SERTM2: variants seen among roughly 807,000 people sequenced by gnomAD.
SERTM2 encodes serine rich and transmembrane domain containing 2.
intron 2 of SERTM2, among the ~76,000 whole-genome samples, chrX:111,514,888 G>GGTGT (rs371173694): frequency 3.8e-4 from 41 of 106,680 alleles, no homozygotes; most frequent in South Asian, 1.2e-3. Context: ...TAGGCATAGG[G>GGTGT]GTGTGTGTGT....
In SERTM2 at chrX:111,519,057, T is replaced by A; in HGVS notation, c.200T>A (p.Ile67Asn). ...LLRLKHVISPINSDSTESVPQ... is the reference protein window; with the variant it reads ...LLRLKHVISPNNSDSTESVPQ... ...CGGCTCAAACATGTCATCTCGCCCA[T>A]CAACTCTGACAGCACAGAAAGTGTT... The change falls in exon 3 of 3, where the codon ATC (isoleucine) becomes AAC (asparagine). Residue 67 changes from isoleucine to asparagine, a missense_variant. Coordinates refer to ENST00000569275, the MANE Select transcript of SERTM2 (RefSeq NM_001354473.2). The A allele has an allele frequency of 3.4e-6, 1 of 297,352 alleles. No individual in the cohort carries two copies. 24.5% of individuals were successfully genotyped at this position (297,352 alleles called of 1,213,427 possible). A position where few individuals can be genotyped will look rare whatever the true frequency, so the allele number is the denominator to read the frequency against.
At position 111,522,293 on chromosome X, in the gene SERTM2, T is replaced by C. The variant is rs1296057462; in HGVS notation, c.*3163T>C. Reference sequence around the variant, plus strand: ...AGTTTCTTTTGTTTGAAATTATTAATGTTTGAAATAGATTCATATTGTATA... The same window carrying C: ...AGTTTCTTTTGTTTGAAATTATTAACGTTTGAAATAGATTCATATTGTATA... On this transcript the variant is annotated 3_prime_UTR_variant, in exon 3 of 3. Coordinates refer to ENST00000569275, the MANE Select transcript of SERTM2 (RefSeq NM_001354473.2). 6 of 112,343 alleles carry C rather than the reference T, an allele frequency of 5.3e-5. No individual in the cohort carries two copies. Among genetic ancestry groups the C allele is most frequent in the African/African-American group, 1.9e-4 (6 of 30,935 alleles). The allele number at this position is 112,343 out of a possible 1,213,427, so 9.3% of individuals were successfully genotyped here.
intron 2 of SERTM2, among the ~76,000 whole-genome samples, chrX:111,513,299 A>C (rs1930260024): frequency 9.3e-6 from 1 of 107,209 alleles, no homozygotes; most frequent in Non-Finnish European, 1.9e-5. Context: ...CTAATTCCTT[A>C]CCCCCTTTTC....
intron 2 of SERTM2, among the ~76,000 whole-genome samples, chrX:111,517,166 G>A (rs1031256123): frequency 4.5e-5 from 5 of 111,053 alleles, no homozygotes; most frequent in Non-Finnish European, 9.5e-5. Flanking sequence ...CTATTGGGGG[G>A]AAATGTCTAT....
Position 111,511,701 on chromosome X carries a change from A to T in SERTM2, c.-1014A>T, listed in dbSNP as rs1233812534. Reference sequence around the variant, plus strand: ...TACTCTAAACTGTTGCCTGCGAAAGAGGAACTGGGGACTTAGACTAATTCA... The same window carrying T: ...TACTCTAAACTGTTGCCTGCGAAAGTGGAACTGGGGACTTAGACTAATTCA... On this transcript the variant is annotated 5_prime_UTR_variant, in exon 1 of 3. Coordinates refer to ENST00000569275, the MANE Select transcript of SERTM2 (RefSeq NM_001354473.2). 6.5e-6 allele frequency: 1 copy of T among 155,000 alleles called. No individual in the cohort carries two copies. The highest frequency in any genetic ancestry group is 1.2e-5 in the Non-Finnish European group (1 of 81,180). The allele number at this position is 155,000 out of a possible 1,213,427, so 12.8% of individuals were successfully genotyped here.
rs370397787 is a variant in SERTM2, at chrX:111,518,769, A to G, written c.-89A>G. On this transcript the variant is annotated 5_prime_UTR_variant, in exon 3 of 3. Transcript: ENST00000569275. The stretch of plus-strand genomic sequence containing the variant: ...TTACCAGATTGTTAGAACACGTCCA[A>G]TAGATTTAGAGACAGTCTAAGTGAC... 35 of 294,827 alleles carry G rather than the reference A, an allele frequency of 1.2e-4. No individual in the cohort carries two copies. In the South Asian group the frequency reaches 1.3e-3, roughly 11 times the overall value. The allele number at this position is 294,827 out of a possible 1,213,427, so 24.3% of individuals were successfully genotyped here.
intron 2 of SERTM2, among the ~76,000 whole-genome samples, chrX:111,514,888 GGTGTGT>G (rs371173694): frequency 1.9e-5 from 2 of 106,681 alleles, no homozygotes; most frequent in Admixed American, 1.0e-4. Context: ...TAGGCATAGG[GGTGTGT>G]GTGTGTGTGT....
At chrX:111,514,888 GGT>G (rs371173694) in intron 2 of SERTM2, among the ~76,000 whole-genome samples, 50 of 106,247 alleles carry the variant, frequency 4.7e-4, no homozygotes, top group South Asian at 8.1e-4. Flanking sequence ...TAGGCATAGG[GGT>G]GTGTGTGTGT....
In SERTM2 at chrX:111,519,014, C is replaced by A. The variant is rs1930366607; in HGVS notation, c.157C>A (p.Leu53Ile). 1 of 295,740 alleles carries A rather than the reference C, an allele frequency of 3.4e-6. No individual in the cohort carries two copies. The highest frequency in any genetic ancestry group is 2.1e-4 in the South Asian group (1 of 4,849). 24.4% of individuals were successfully genotyped at this position (295,740 alleles called of 1,213,427 possible). The change falls in exon 3 of 3, where the codon CTC becomes ATC. Residue 53 changes from leucine (L) to isoleucine (I), a missense_variant. Transcript: ENST00000569275. ...CCTCCTGGCCATTCTCCTCATCCTG[C>A]TCTTCACAATGCTCCTTCGGCTCAA... ...LSLLAILLIL[L>I]FTMLLRLKHV...
At chrX:111,515,884 A>T (rs767483055) in intron 2 of SERTM2, among the ~76,000 whole-genome samples, 25 of 110,624 alleles carry the variant, frequency 2.3e-4, no homozygotes, top group African/African-American at 8.2e-4. Context: ...TCCCTTGACC[A>T]CTCTGAGAAA....
Position 111,511,776 on chromosome X carries a change from C to T in SERTM2, c.-939C>T, listed in dbSNP as rs1464650810. 4.2e-6 allele frequency: 1 copy of T among 238,075 alleles called. No individual in the cohort carries two copies. Among genetic ancestry groups the T allele is most frequent in the African/African-American group, 2.9e-5 (1 of 35,055 alleles). The allele number at this position is 238,075 out of a possible 1,213,427, so 19.6% of individuals were successfully genotyped here. A position where few individuals can be genotyped will look rare whatever the true frequency, so the allele number is the denominator to read the frequency against. On this transcript the variant is annotated 5_prime_UTR_variant, in exon 1 of 3. Transcript: ENST00000569275. ...GAGGGCACACACACATCCAAACAGACTTCTCTTTGCTTTTCAGAGCTTATA... is the reference window on the plus strand; with the variant it reads ...GAGGGCACACACACATCCAAACAGATTTCTCTTTGCTTTTCAGAGCTTATA...
In SERTM2 at chrX:111,519,840, T is replaced by C. The variant is rs1164307679; in HGVS notation, c.*710T>C. On this transcript the variant is annotated 3_prime_UTR_variant, in exon 3 of 3. Transcript: ENST00000569275. ...GTCTTTTTCTCTCTCCCTCTCACAC[T>C]CTAGGATAGAGTTGCACACAAATAT... 8.9e-6 allele frequency: 1 copy of C among 112,066 alleles called. No homozygotes were observed. The highest frequency in any genetic ancestry group is 1.9e-5 in the Non-Finnish European group (1 of 53,181). The allele number at this position is 112,066 out of a possible 1,213,427, so 9.2% of individuals were successfully genotyped here.
chrX:111,513,073 C>G (rs764837392), intron 2 of SERTM2, among the ~76,000 whole-genome samples: 1 of 105,766 alleles, frequency 9.5e-6, no homozygotes, highest in South Asian at 3.9e-4. Context: ...TAAACACTTT[C>G]TCTTTTCCCT....
chrX:111,521,920 T>G lies in SERTM2; in HGVS notation c.*2790T>G, dbSNP rs1295755630. 1 of 112,066 alleles carries G rather than the reference T, an allele frequency of 8.9e-6. No homozygotes were observed. The highest frequency in any genetic ancestry group is 1.9e-5 in the Non-Finnish European group (1 of 53,260). The allele number at this position is 112,066 out of a possible 1,213,427, so 9.2% of individuals were successfully genotyped here. ...CCTAATATGTTTAAAAAGAATCCAATTTTTTAAAATATATTTTGCATATAT... is the reference window on the plus strand; with the variant it reads ...CCTAATATGTTTAAAAAGAATCCAAGTTTTTAAAATATATTTTGCATATAT... On this transcript the variant is annotated 3_prime_UTR_variant, in exon 3 of 3. Coordinates refer to ENST00000569275, the MANE Select transcript of SERTM2 (RefSeq NM_001354473.2).
At chrX:111,511,966 T>C in intron 1 of SERTM2, 32 bp from the exon 2 acceptor site, 2 of 296,214 alleles carry the variant, frequency 6.8e-6, no homozygotes, top group East Asian at 9.5e-5. Flanking sequence ...CCTGCTTCTT[T>C]GGCAAAACAA....
rs999282044 is a variant in SERTM2, at chrX:111,521,808, G to T, written c.*2678G>T. The T allele has an allele frequency of 4.5e-4, 50 of 110,296 alleles. No homozygotes were observed. Among genetic ancestry groups the T allele is most frequent in the African/African-American group, 1.6e-3 (48 of 30,311 alleles). 9.1% of individuals were successfully genotyped at this position (110,296 alleles called of 1,213,427 possible). A position where few individuals can be genotyped will look rare whatever the true frequency, so the allele number is the denominator to read the frequency against. On this transcript the variant is annotated 3_prime_UTR_variant, in exon 3 of 3. Transcript: ENST00000569275. ...ACCATATGAAATTGCCATTTGATAGGCCAAAAAATGCTCAAATATCACCAA... is the reference window on the plus strand; with the variant it reads ...ACCATATGAAATTGCCATTTGATAGTCCAAAAAATGCTCAAATATCACCAA...
Position 111,518,268 on chromosome X carries a change from G to A in SERTM2, c.-590G>A, listed in dbSNP as rs1930350492. On this transcript the variant is annotated 5_prime_UTR_variant, in exon 3 of 3. Transcript: ENST00000569275. ...TGTAGACTTACAAGCTGTGCAGCTG[G>A]GCAGGAACCTTACAATCTCCATCCT... 1 of 111,198 alleles carries A rather than the reference G, an allele frequency of 9.0e-6. No homozygotes were observed. Among genetic ancestry groups the A allele is most frequent in the Admixed American group, 9.6e-5 (1 of 10,441 alleles). The allele number at this position is 111,198 out of a possible 1,213,427, so 9.2% of individuals were successfully genotyped here. A position where few individuals can be genotyped will look rare whatever the true frequency, so the allele number is the denominator to read the frequency against.
chrX:111,517,233 G>A (rs1024437424), intron 2 of SERTM2, among the ~76,000 whole-genome samples: 6 of 110,978 alleles, frequency 5.4e-5, no homozygotes, highest in Admixed American at 1.9e-4. Context: ...ATTGGAGGAA[G>A]CCTGCATTCC....
Position 111,520,116 on chromosome X carries a change from C to T in SERTM2, c.*986C>T, listed in dbSNP as rs1272068058. The T allele has an allele frequency of 9.0e-6, 1 of 111,572 alleles. No individual in the cohort carries two copies. Among genetic ancestry groups the T allele is most frequent in the African/African-American group, 3.3e-5 (1 of 30,677 alleles). 9.2% of individuals were successfully genotyped at this position (111,572 alleles called of 1,213,427 possible). On this transcript the variant is annotated 3_prime_UTR_variant, in exon 3 of 3. Transcript: ENST00000569275. ...ACTAAACAACATCCTCCAACAAATC[C>T]TTATTGAGATCAATGTCCTCAAATG...
Sources: allele counts gnomAD v4.1 joint callset (sites outside exome capture counted in the v4.1 genomes callset), GRCh38; gene constraint gnomAD v4.1.1; transcripts MANE v1.5; gene names NCBI Gene and HGNC (gene_info 2026-07-23, HGNC 2026-07-21).